The following WDFY3 variants were observed in gnomAD, a reference collection of about 807,000 sequenced individuals.
The protein encoded by WDFY3 is WD repeat and FYVE domain containing 3.
In WDFY3, 66 loss-of-function variants were observed where a neutral mutation model predicts 409.6. The observed-to-expected ratio is 0.16, with a 90% CI of 0.13 to 0.20. The LOEUF (loss-of-function observed/expected upper bound fraction) is 0.20. Among genes scored for constraint, WDFY3 ranks in the 10% least tolerant of loss-of-function variants. WDFY3 has a pLI of 1.00. For missense variants in WDFY3, 3,031 were observed against 4,298.1 expected (o/e 0.71, Z 8.24); for synonymous variants, 1,521 against 1,537.1 (o/e 0.99, Z 0.25).
chr4:84,797,901 C>T (rs1749789321), intron 18 of WDFY3, 95 bp downstream of exon 18: 4 of 1,198,712 alleles, frequency 3.3e-6, no homozygotes, highest in Non-Finnish European at 4.7e-6. Flanking sequence ...AAACCCTTCT[C>T]TTTCTTTGCT....
At position 84,695,326 on chromosome 4, in the gene WDFY3, C is replaced by T. The variant is rs375613003; in HGVS notation, c.8901+644G>A. Among the ~76,000 whole-genome samples the T allele has an allele frequency of 9.9e-5, 15 of 152,198 alleles. No individual in the cohort carries two copies. In the East Asian group the frequency reaches 2.5e-3, roughly 26 times the overall value. Reference sequence around the variant, plus strand: ...GCGTGTCCTAGGCACTCCTATGGCACGTGCTCTCACAGCACAGCACTTATT... The same window carrying T: ...GCGTGTCCTAGGCACTCCTATGGCATGTGCTCTCACAGCACAGCACTTATT... On this transcript the variant is annotated intron_variant, in intron 58 of 67. Coordinates refer to ENST00000295888, the MANE Select transcript of WDFY3 (RefSeq NM_014991.6).
intron 1 of WDFY3, among the ~76,000 whole-genome samples, chr4:84,933,734 T>C (rs905772324): frequency 5.3e-5 from 8 of 152,064 alleles, no homozygotes; most frequent in Non-Finnish European, 1.2e-4. Flanking sequence ...TGAGTTCAAT[T>C]GTTTTAATTT....
At chr4:84,954,017 T>C (rs1370680755) in intron 1 of WDFY3, among the ~76,000 whole-genome samples, 1 of 152,164 alleles carries the variant, frequency 6.6e-6, no homozygotes, top group Admixed American at 6.5e-5. Context: ...CTCCACTATG[T>C]TATAAAGTTA....
At chr4:84,919,899 C>T (rs978291414) in intron 2 of WDFY3, among the ~76,000 whole-genome samples, 1 of 152,094 alleles carries the variant, frequency 6.6e-6, no homozygotes, top group East Asian at 1.9e-4. Context: ...ATGAAATGGT[C>T]AAAATTTCCA....
intron 3 of WDFY3, among the ~76,000 whole-genome samples, chr4:84,870,519 A>T (rs375148650): frequency 6.6e-6 from 1 of 152,276 alleles, no homozygotes; most frequent in Admixed American, 6.5e-5. Flanking sequence ...GGTTGCAATC[A>T]CACTAGGTTT....
chr4:84,886,415 T>C (rs1764231830), intron 3 of WDFY3: 1 of 152,174 alleles, frequency 6.6e-6, no homozygotes, highest in East Asian at 1.9e-4. Flanking sequence ...CGAATTTGCA[T>C]GTCATCCTTG....
At chr4:84,882,052 A>C (rs1763609080) in intron 3 of WDFY3, among the ~76,000 whole-genome samples, 2 of 152,162 alleles carry the variant, frequency 1.3e-5, no homozygotes, top group African/African-American at 4.8e-5. Flanking sequence ...TGGGACTTGA[A>C]GTCATGCCTT....
At chr4:84,939,068 C>G (rs1347764777) in intron 1 of WDFY3, among the ~76,000 whole-genome samples, 1 of 152,112 alleles carries the variant, frequency 6.6e-6, no homozygotes, top group Non-Finnish European at 1.5e-5. Context: ...AAGATCCAGT[C>G]TAGGGTCAGG....
chr4:84,844,553 A>C (rs749621645), intron 5 of WDFY3: 1 of 1,278,146 alleles, frequency 7.8e-7, no homozygotes, highest in Non-Finnish European at 1.0e-6. Context: ...GGGATTCACT[A>C]AATTCCACTA....
chr4:84,757,070 C>T lies in WDFY3; in HGVS notation c.5280G>A (p.Gln1760=). 6.2e-7 allele frequency: 1 copy of T among 1,614,052 alleles called. No individual in the cohort carries two copies. The change falls in exon 33 of 68, where the codon CAG becomes CAA. Residue 1760 remains glutamine, a synonymous_variant. Transcript: ENST00000295888. The part of the protein sequence containing the change: ...ACHFPGFPVL[Q]SFLPKHTNVP... ...CATTAGTGTGTTTAGGAAGGAATGA[C>T]TGAAGGACTGGAAAACCAGGAAAAT...
intron 1 of WDFY3, among the ~76,000 whole-genome samples, chr4:84,949,524 T>C (rs1365079446): frequency 6.6e-6 from 1 of 152,180 alleles, no homozygotes; most frequent in Admixed American, 6.5e-5. Flanking sequence ...AAACTTAAGG[T>C]ATATCAGAGC....
chr4:84,894,367 G>A (rs1270951963), intron 3 of WDFY3, among the ~76,000 whole-genome samples: 1 of 152,112 alleles, frequency 6.6e-6, no homozygotes. Flanking sequence ...TTTTTAAAAA[G>A]TCAGCTCTTG....
intron 2 of WDFY3, among the ~76,000 whole-genome samples, chr4:84,916,298 AT>A (rs1438991075): frequency 6.6e-6 from 1 of 152,162 alleles, no homozygotes; most frequent in African/African-American, 2.4e-5. Context: ...TCCTCCCATC[AT>A]TATACTAGTC....
chr4:84,780,356 T>C lies in WDFY3; in HGVS notation c.4175-58A>G, dbSNP rs1035071590. On this transcript the variant is annotated intron_variant, in intron 25 of 67. Coordinates refer to ENST00000295888, the MANE Select transcript of WDFY3 (RefSeq NM_014991.6). ...AAATTCCCCATGTGAACAAGAACTG[T>C]ATACATCATCTTGAAAAGTTTTTTA... 1.4e-5 allele frequency: 20 copies of C among 1,462,934 alleles called. No homozygotes were observed. In the African/African-American group the frequency reaches 2.9e-4, roughly 21 times the overall value. 90.6% of individuals were successfully genotyped at this position (1,462,934 alleles called of 1,614,324 possible). A position where few individuals can be genotyped will look rare whatever the true frequency, so the allele number is the denominator to read the frequency against.
At chr4:84,867,331 A>C (rs763904440) in intron 3 of WDFY3, among the ~76,000 whole-genome samples, 4 of 152,248 alleles carry the variant, frequency 2.6e-5, no homozygotes, top group Non-Finnish European at 4.4e-5. Flanking sequence ...AGTTGGATGT[A>C]GAATAAGAGG....
intron 5 of WDFY3, 33 bp from the exon 6 acceptor site, chr4:84,841,296 G>A (rs1757317698): frequency 1.9e-6 from 3 of 1,577,660 alleles, no homozygotes; most frequent in African/African-American, 1.4e-5. Context: ...ATTAAGTGGG[G>A]GAAAAGTCAC....
intron 32 of WDFY3, among the ~76,000 whole-genome samples, chr4:84,757,640 T>C (rs1336332123): frequency 6.6e-6 from 1 of 152,150 alleles, no homozygotes; most frequent in East Asian, 1.9e-4. Flanking sequence ...TGCAGTGCCA[T>C]GATATTGGCT....
At chr4:84,815,168 G>A (rs142294802) in intron 13 of WDFY3, among the ~76,000 whole-genome samples, 1 of 152,020 alleles carries the variant, frequency 6.6e-6, no homozygotes, top group African/African-American at 2.4e-5. Context: ...GGGTCACAAG[G>A]GCCTTGGAAG....
intron 63 of WDFY3, chr4:84,682,981 C>A: frequency 6.5e-6 from 1 of 154,114 alleles, no homozygotes; most frequent in Non-Finnish European, 1.4e-5. Context: ...CTCACTCTGT[C>A]TCAAAAACAA....
Sources: gnomAD v4.1 joint callset for allele counts (sites outside exome capture counted in the v4.1 genomes callset) on GRCh38, gnomAD v4.1.1 for gene constraint, MANE v1.5 for transcripts, NCBI Gene and HGNC (gene_info 2026-07-23, HGNC 2026-07-21) for gene names.